Variants in ZNF385B observed in about 807,000 individuals in gnomAD.
The protein encoded by ZNF385B is zinc finger protein 385B, also known as zinc finger protein 533.
ZNF385B carries 23 observed loss-of-function variants against 39.2 expected under a neutral mutation model. That is an observed-to-expected ratio of 0.59 (90% CI 0.42 to 0.83). ZNF385B has a LOEUF of 0.83. ZNF385B is among the 40% of genes least tolerant of loss of function. ZNF385B has a pLI of 0.00. For missense variants in ZNF385B, 552 were observed against 598.9 expected, an observed-to-expected ratio of 0.92 and a Z score of 0.82; for synonymous variants, 205 against 222.6, an observed-to-expected ratio of 0.92 and a Z score of 0.70.
At chr2:179,837,569 T>C (rs1159616967) in intron 1 of ZNF385B, among the ~76,000 whole-genome samples, 2 of 152,218 alleles carry the variant, frequency 1.3e-5, no homozygotes, top group East Asian at 1.9e-4. Context: ...TCAGCAACTG[T>C]TTTGAAAGCA....
chr2:179,684,513 C>T (rs571805986), intron 3 of ZNF385B, among the ~76,000 whole-genome samples: 25 of 152,256 alleles, frequency 1.6e-4, no homozygotes, highest in African/African-American at 6.0e-4. Context: ...AAGGCATTTC[C>T]TCTTACACAT....
intron 3 of ZNF385B, among the ~76,000 whole-genome samples, chr2:179,595,660 C>G (rs1299399822): frequency 6.7e-6 from 1 of 148,454 alleles, no homozygotes; most frequent in African/African-American, 2.5e-5. Context: ...GGGTCTCACT[C>G]TGTTGCCCAG....
chr2:179,762,365 T>C (rs537292391), intron 3 of ZNF385B, among the ~76,000 whole-genome samples: 5 of 152,270 alleles, frequency 3.3e-5, no homozygotes, highest in Admixed American at 3.3e-4. Flanking sequence ...AATTTTTTAA[T>C]ATTTTTAGTA....
At chr2:179,844,349 T>A (rs1708692555) in intron 1 of ZNF385B, among the ~76,000 whole-genome samples, 2 of 152,240 alleles carry the variant, frequency 1.3e-5, no homozygotes, top group South Asian at 4.1e-4. Flanking sequence ...CAATGAGGCC[T>A]TGGTTCACAG....
At chr2:179,687,520 C>G in intron 3 of ZNF385B, among the ~76,000 whole-genome samples, 1 of 152,092 alleles carries the variant, frequency 6.6e-6, no homozygotes, top group East Asian at 1.9e-4. Flanking sequence ...TTTTTCTCAC[C>G]TCTTAAAAAT....
intron 6 of ZNF385B, among the ~76,000 whole-genome samples, chr2:179,462,812 T>G (rs151139861): frequency 1.0e-3 from 159 of 152,268 alleles, no homozygotes; most frequent in African/African-American, 3.6e-3. Context: ...ACTCTCAGAT[T>G]GCCTTACTTT....
chr2:179,478,541 C>T (rs557441511), intron 6 of ZNF385B, among the ~76,000 whole-genome samples: 2 of 152,302 alleles, frequency 1.3e-5, no homozygotes, highest in African/African-American at 2.4e-5. Context: ...GATGCTGGCT[C>T]AATTATCTTT....
intron 5 of ZNF385B, among the ~76,000 whole-genome samples, chr2:179,493,510 C>T (rs557286282): frequency 1.1e-3 from 166 of 150,160 alleles, no homozygotes; most frequent in Non-Finnish European, 1.8e-3. Context: ...TACATATATG[C>T]GTATACATAT....
intron 6 of ZNF385B, among the ~76,000 whole-genome samples, chr2:179,475,595 A>C (rs921396532): frequency 6.6e-6 from 1 of 151,672 alleles, no homozygotes; most frequent in Non-Finnish European, 1.5e-5. Context: ...AAATGAGAGC[A>C]CCAATCCATT....
chr2:179,831,033 T>TA (rs1163064035), intron 1 of ZNF385B, among the ~76,000 whole-genome samples: 2 of 152,212 alleles, frequency 1.3e-5, no homozygotes, highest in Non-Finnish European at 2.9e-5. Context: ...AAATAAAGTC[T>TA]ATTACTTTTA....
intron 1 of ZNF385B, among the ~76,000 whole-genome samples, chr2:179,855,069 CTTTTA>C (rs1328194404): frequency 2.6e-5 from 4 of 151,864 alleles, no homozygotes; most frequent in Admixed American, 1.3e-4. Flanking sequence ...CAGAGCACCT[CTTTTA>C]TTTATTTTCA....
chr2:179,769,818 AG>A lies in ZNF385B; in HGVS notation c.-2-17del. Reference sequence around the variant, plus strand: ...TACCTCATGCCTGAAAAACAAAACAAGTACAAGTGCTTCTGAAATGATATAT... The same window carrying A: ...TACCTCATGCCTGAAAAACAAAACAATACAAGTGCTTCTGAAATGATATAT... On this transcript the variant is annotated splice_polypyrimidine_tract_variant and intron_variant, in intron 2 of 9. Coordinates refer to ENST00000410066, the MANE Select transcript of ZNF385B (RefSeq NM_152520.6). 1 of 1,577,230 alleles carries A rather than the reference AG, an allele frequency of 6.3e-7. No individual in the cohort carries two copies.
intron 1 of ZNF385B, chr2:179,814,449 C>T (rs1706932417): frequency 6.2e-6 from 3 of 483,670 alleles, no homozygotes; most frequent in East Asian, 5.8e-5. Context: ...TACCAAAGTA[C>T]CTGACTTCAA....
intron 3 of ZNF385B, among the ~76,000 whole-genome samples, chr2:179,716,310 C>G (rs1700327486): frequency 6.6e-6 from 1 of 152,024 alleles, no homozygotes; most frequent in Non-Finnish European, 1.5e-5. Flanking sequence ...TTTTTTCATT[C>G]TTAAAATCTC....
chr2:179,543,608 A>G (rs544559230), intron 4 of ZNF385B, among the ~76,000 whole-genome samples: 13 of 151,906 alleles, frequency 8.6e-5, no homozygotes, highest in African/African-American at 3.1e-4. Context: ...CAAGGCAGGC[A>G]TGATTTATCC....
chr2:179,478,318 C>T (rs1019343685), intron 6 of ZNF385B, among the ~76,000 whole-genome samples: 1 of 152,176 alleles, frequency 6.6e-6, no homozygotes, highest in Non-Finnish European at 1.5e-5. Context: ...TTCACTGTTG[C>T]ACCCATATGT....
intron 3 of ZNF385B, among the ~76,000 whole-genome samples, chr2:179,549,116 T>C (rs1197512380): frequency 6.7e-6 from 1 of 149,524 alleles, no homozygotes; most frequent in Non-Finnish European, 1.5e-5. Context: ...GTTTTTGAGG[T>C]TTATCTATGT....
intron 3 of ZNF385B, among the ~76,000 whole-genome samples, chr2:179,606,811 C>G (rs1341996818): frequency 6.6e-6 from 1 of 152,042 alleles, no homozygotes; most frequent in East Asian, 1.9e-4. Flanking sequence ...CTATTCATGA[C>G]ATTTAGGTAT....
At position 179,555,111 on chromosome 2, in the gene ZNF385B, T is replaced by A. The variant is rs532588372; in HGVS notation, c.299-10142A>T. Among the ~76,000 whole-genome samples the A allele has an allele frequency of 6.0e-5, 9 of 149,850 alleles. No homozygotes were observed. The South Asian group carries it at 1.5e-3, about 25-fold the overall frequency. The stretch of plus-strand genomic sequence containing the variant: ...TCAACAATAGAAAGAATAATTTTTG[T>A]ATGTTTGCATGATGAAACATTCATG... On this transcript the variant is annotated intron_variant, in intron 3 of 9. Transcript: ENST00000410066.
Sources: gnomAD v4.1 joint callset for allele counts (sites outside exome capture counted in the v4.1 genomes callset) on GRCh38, gnomAD v4.1.1 for gene constraint, MANE v1.5 for transcripts, NCBI Gene and HGNC (gene_info 2026-07-23, HGNC 2026-07-21) for gene names.